DAB1: variants seen among roughly 807,000 people sequenced by gnomAD.
The protein encoded by DAB1 is DAB adaptor protein 1.
Under a neutral mutation model 64.6 loss-of-function variants are expected in DAB1, and 15 were observed. That is an observed-to-expected ratio of 0.23 (90% CI 0.16 to 0.36). The LOEUF is 0.36. DAB1 is among the 10% of genes least tolerant of loss of function. The pLI is 1.00. For missense variants in DAB1, 596 were observed against 706.7 expected, an observed-to-expected ratio of 0.84 and a Z score of 1.78; for synonymous variants, 235 against 251.9, an observed-to-expected ratio of 0.93 and a Z score of 0.64.
intron 7 of DAB1, among the ~76,000 whole-genome samples, chr1:57,503,460 A>G (rs1644313113): frequency 6.6e-6 from 1 of 152,064 alleles, no homozygotes; most frequent in African/African-American, 2.4e-5. Context: ...TTATTGCCTC[A>G]TTTCACACTT....
intron 4 of DAB1, among the ~76,000 whole-genome samples, chr1:58,198,595 T>C (rs1389908438): frequency 6.6e-6 from 1 of 152,220 alleles, no homozygotes; most frequent in Non-Finnish European, 1.5e-5. Flanking sequence ...ACCTCTTCTA[T>C]ATTCTCAGTC....
At chr1:57,354,488 T>C (rs147640601) in intron 1 of DAB1, among the ~76,000 whole-genome samples, 3 of 152,270 alleles carry the variant, frequency 2.0e-5, no homozygotes, top group Admixed American at 6.5e-5. Flanking sequence ...GTTAGGGAAT[T>C]GATCATGATC....
intron 5 of DAB1, among the ~76,000 whole-genome samples, chr1:58,018,619 G>A (rs948758651): frequency 6.6e-6 from 1 of 152,196 alleles, no homozygotes; most frequent in African/African-American, 2.4e-5. Context: ...TTGGGGACAA[G>A]CTAAACTGAA....
chr1:58,155,220 T>C lies in DAB1; in HGVS notation n.310-4632A>G, dbSNP rs12740488. Among the ~76,000 whole-genome samples, 631 of 152,314 alleles carry C rather than the reference T, an allele frequency of 4.1e-3. 3 individuals carry two copies. The highest frequency in any genetic ancestry group is 0.017 in the Middle Eastern group (5 of 294). On this transcript the variant is annotated intron_variant and non_coding_transcript_variant, in intron 4 of 20. Coordinates refer to the DAB1 transcript ENST00000485760. ...TGCTGCCAAGGGAAGGAATTGCAGC[T>C]GCCAAAGTGAAGAAGTATGTCTATA... is the stretch of plus-strand genomic sequence containing the variant.
intron 4 of DAB1, among the ~76,000 whole-genome samples, chr1:58,277,070 C>T (rs534628040): frequency 3.0e-5 from 4 of 134,816 alleles, no homozygotes; most frequent in Admixed American, 1.6e-4. Flanking sequence ...GACAGAGTCT[C>T]GCTCTGTCAC....
chr1:57,243,159 A>G (rs1668616856), intron 2 of DAB1, among the ~76,000 whole-genome samples: 1 of 152,182 alleles, frequency 6.6e-6, no homozygotes, highest in Non-Finnish European at 1.5e-5. Context: ...CTAAATGGAA[A>G]AGATATGATT....
chr1:57,449,543 G>T (rs866028619), intron 7 of DAB1, among the ~76,000 whole-genome samples: 1 of 151,936 alleles, frequency 6.6e-6, no homozygotes, highest in South Asian at 2.1e-4. Flanking sequence ...GCTACACTTG[G>T]CTAATTTTTA....
At chr1:58,329,113 T>C (rs537004297) in intron 4 of DAB1, among the ~76,000 whole-genome samples, 1 of 152,344 alleles carries the variant, frequency 6.6e-6, no homozygotes, top group South Asian at 2.1e-4. Context: ...TCTTTGTGTA[T>C]TTTTCTTACT....
At chr1:58,344,216 T>C (rs1643969729) in intron 3 of DAB1, among the ~76,000 whole-genome samples, 1 of 152,166 alleles carries the variant, frequency 6.6e-6, no homozygotes, top group African/African-American at 2.4e-5. Context: ...AGGATTGCAC[T>C]AATTAATGTT....
chr1:58,361,558 T>A (rs1569684494), intron 3 of DAB1, among the ~76,000 whole-genome samples: 1 of 152,156 alleles, frequency 6.6e-6, no homozygotes, highest in Middle Eastern at 3.4e-3. Flanking sequence ...CAAACCACAG[T>A]TTTGTTAGGG....
At chr1:58,195,958 C>G (rs1230066911) in intron 4 of DAB1, among the ~76,000 whole-genome samples, 1 of 152,200 alleles carries the variant, frequency 6.6e-6, no homozygotes, top group East Asian at 1.9e-4. Flanking sequence ...TAATCAAACT[C>G]AGAAACTATC....
At chr1:57,654,134 TC>T (rs1646288628) in intron 6 of DAB1, among the ~76,000 whole-genome samples, 1 of 152,218 alleles carries the variant, frequency 6.6e-6, no homozygotes, top group Non-Finnish European at 1.5e-5. Context: ...ATTTAGGTTT[TC>T]CCTTCAGTGA....
chr1:58,195,956 C>T (rs962888054), intron 4 of DAB1, among the ~76,000 whole-genome samples: 3 of 152,186 alleles, frequency 2.0e-5, no homozygotes, highest in African/African-American at 7.2e-5. Flanking sequence ...TTTAATCAAA[C>T]TCAGAAACTA....
chr1:58,087,291 G>A (rs969861819), intron 5 of DAB1, among the ~76,000 whole-genome samples: 3 of 152,070 alleles, frequency 2.0e-5, no homozygotes, highest in Non-Finnish European at 2.9e-5. Flanking sequence ...TCTTCTCTAG[G>A]TGCACCCTCT....
chr1:58,297,469 CTACACAATGCCTGG>C (rs1250881694), intron 4 of DAB1, among the ~76,000 whole-genome samples: 3 of 152,154 alleles, frequency 2.0e-5, no homozygotes, highest in Non-Finnish European at 4.4e-5. Flanking sequence ...CTCAACCCAA[CTACACAATGCCTGG>C]TACAGAGTGA....
chr1:57,541,716 A>G (rs190423559), intron 7 of DAB1, among the ~76,000 whole-genome samples: 76 of 152,186 alleles, frequency 5.0e-4, no homozygotes, highest in African/African-American at 1.8e-3. Context: ...TGGGCCTTAG[A>G]AAAAAAACAA....
intron 7 of DAB1, among the ~76,000 whole-genome samples, chr1:57,522,905 C>G (rs542533198): frequency 2.2e-4 from 34 of 152,330 alleles, no homozygotes; most frequent in African/African-American, 7.7e-4. Flanking sequence ...GAATATCAGA[C>G]TCCAAGTTCT....
intron 5 of DAB1, among the ~76,000 whole-genome samples, chr1:58,067,985 G>C (rs1291014073): frequency 6.6e-6 from 1 of 152,226 alleles, no homozygotes; most frequent in East Asian, 1.9e-4. Flanking sequence ...ATAGTATGGA[G>C]AATTTAAAGA....
chr1:58,211,588 C>T (rs2100293409), intron 4 of DAB1, among the ~76,000 whole-genome samples: 1 of 152,260 alleles, frequency 6.6e-6, no homozygotes, highest in African/African-American at 2.4e-5. Flanking sequence ...TGAGAAAAGA[C>T]ACAACTTTCA....
Sources: gnomAD v4.1 joint callset for allele counts (sites outside exome capture counted in the v4.1 genomes callset) on GRCh38, gnomAD v4.1.1 for gene constraint, MANE v1.5 for transcripts, NCBI Gene and HGNC (gene_info 2026-07-23, HGNC 2026-07-21) for gene names.